The following MYO6 variants were observed in gnomAD, a reference collection of about 807,000 sequenced individuals.
The protein encoded by MYO6 is unconventional myosin-VI.
A neutral mutation model predicts 178.7 loss-of-function variants in MYO6; 74 were observed. The ratio of observed to expected loss-of-function variants is 0.41; its 90% CI spans 0.34 to 0.50. MYO6 has a LOEUF of 0.50. MYO6 is among the 20% of genes least tolerant of loss of function. MYO6 has a pLI of 0.09. For synonymous variants in MYO6, 477 were observed against 504.6 expected, an observed-to-expected ratio of 0.95 and a Z score of 0.73; for missense variants, 1,330 against 1,547.4, an observed-to-expected ratio of 0.86 and a Z score of 2.36.
chr6:75,862,517 T>C, intron 15 of MYO6, 79 bp from the exon 16 acceptor site: 1 of 1,284,378 alleles, frequency 7.8e-7, no homozygotes, highest in Admixed American at 1.9e-5. Flanking sequence ...CCTTGAAATC[T>C]GTGATTAGTG....
chr6:75,809,862 A>G (rs990619968), intron 1 of MYO6, among the ~76,000 whole-genome samples: 2 of 151,030 alleles, frequency 1.3e-5, no homozygotes, highest in Non-Finnish European at 3.0e-5. Context: ...CAGGAGTTCA[A>G]GACCAGTCTG....
intron 7 of MYO6, among the ~76,000 whole-genome samples, chr6:75,839,529 A>AAT (rs1774004285): frequency 6.6e-6 from 1 of 152,186 alleles, no homozygotes; most frequent in Non-Finnish European, 1.5e-5. Flanking sequence ...TCATAAAAAA[A>AAT]ATTTTAACAC....
At chr6:75,913,446 G>T (rs1780912671) in intron 33 of MYO6, among the ~76,000 whole-genome samples, 1 of 152,074 alleles carries the variant, frequency 6.6e-6, no homozygotes, top group African/African-American at 2.4e-5. Flanking sequence ...TTAAGGGAAA[G>T]TTTATGCTTA....
intron 10 of MYO6, among the ~76,000 whole-genome samples, chr6:75,847,506 C>G (rs898797033): frequency 6.7e-6 from 1 of 148,658 alleles, no homozygotes; most frequent in Non-Finnish European, 1.5e-5. Flanking sequence ...TTCTGCAGTC[C>G]TGACTTTCTT....
chr6:75,836,027 A>G, intron 7 of MYO6, 71 bp downstream of exon 7: 1 of 1,032,948 alleles, frequency 9.7e-7, no homozygotes, highest in South Asian at 1.3e-5. Flanking sequence ...GTGGTCTGGA[A>G]TGTTCTTCTC....
chr6:75,804,562 T>G (rs1040801424), intron 1 of MYO6, among the ~76,000 whole-genome samples: 11 of 151,172 alleles, frequency 7.3e-5, no homozygotes, highest in Non-Finnish European at 1.3e-4. Flanking sequence ...GCCAATTCTG[T>G]TTACTCTTCT....
At position 75,917,739 on chromosome 6, in the gene MYO6, T is replaced by C. The variant is rs946486631; in HGVS notation, c.*2727T>C. On this transcript the variant is annotated 3_prime_UTR_variant, in exon 35 of 35. Transcript: ENST00000369977. Reference sequence around the variant, plus strand: ...ATCTTAAGTGGAAAATCAGTGGTGGTTGTGAACACTTAGAGAATAGCAATC... The same window carrying C: ...ATCTTAAGTGGAAAATCAGTGGTGGCTGTGAACACTTAGAGAATAGCAATC... 1.3e-5 allele frequency: 2 copies of C among 152,652 alleles called. No homozygotes were observed. Among genetic ancestry groups the C allele is most frequent in the African/African-American group, 4.8e-5 (2 of 41,468 alleles). 9.5% of individuals were successfully genotyped at this position (152,652 alleles called of 1,614,324 possible).
At chr6:75,799,538 G>A (rs1769223318) in intron 1 of MYO6, among the ~76,000 whole-genome samples, 1 of 152,090 alleles carries the variant, frequency 6.6e-6, no homozygotes. Flanking sequence ...TATTTAAAAA[G>A]TATTAGCTCT....
chr6:75,821,335 A>G (rs982105689), intron 2 of MYO6, among the ~76,000 whole-genome samples: 3 of 152,188 alleles, frequency 2.0e-5, no homozygotes, highest in Admixed American at 1.3e-4. Flanking sequence ...GCACATACAT[A>G]TATGACATTA....
intron 1 of MYO6, among the ~76,000 whole-genome samples, chr6:75,780,668 G>A (rs374094668): frequency 3.4e-4 from 51 of 152,214 alleles, no homozygotes; most frequent in Middle Eastern, 3.4e-3. Flanking sequence ...TTGGGTTGAA[G>A]AGGGCATTTA....
intron 1 of MYO6, among the ~76,000 whole-genome samples, chr6:75,790,040 C>T (rs1214348432): frequency 6.6e-6 from 1 of 152,088 alleles, no homozygotes; most frequent in East Asian, 1.9e-4. Flanking sequence ...CTTCTAGGTC[C>T]ATCTGTGTTC....
At chr6:75,911,207 G>A (rs1338684583) in intron 32 of MYO6, among the ~76,000 whole-genome samples, 1 of 151,888 alleles carries the variant, frequency 6.6e-6, no homozygotes, top group Non-Finnish European at 1.5e-5. Flanking sequence ...AAAATGGCAT[G>A]AGTTTAAGAT....
intron 3 of MYO6, among the ~76,000 whole-genome samples, chr6:75,826,876 G>A (rs948601611): frequency 3.3e-5 from 5 of 151,976 alleles, no homozygotes; most frequent in African/African-American, 1.2e-4. Flanking sequence ...TCGTGCCACT[G>A]CACTCCAGCC....
intron 1 of MYO6, among the ~76,000 whole-genome samples, chr6:75,788,912 T>G (rs544815226): frequency 3.3e-5 from 5 of 152,208 alleles, no homozygotes; most frequent in African/African-American, 1.2e-4. Flanking sequence ...AGGAAAGAAA[T>G]AAGCGTTTGT....
At chr6:75,765,471 C>G (rs552635104) in intron 1 of MYO6, among the ~76,000 whole-genome samples, 2 of 152,194 alleles carry the variant, frequency 1.3e-5, no homozygotes, top group East Asian at 3.9e-4. Context: ...GCCACTGCAT[C>G]TGGCCAAAAA....
chr6:75,869,232 A>T (rs75579639), intron 18 of MYO6, among the ~76,000 whole-genome samples: 2,493 of 152,148 alleles, frequency 0.016, 72 homozygotes, highest in African/African-American at 0.057. Flanking sequence ...TCTGTCAGTG[A>T]GATAAGTGGG....
chr6:75,810,290 C>T (rs915253460), intron 1 of MYO6, among the ~76,000 whole-genome samples: 2 of 152,068 alleles, frequency 1.3e-5, no homozygotes, highest in African/African-American at 4.8e-5. Flanking sequence ...TGCAAATTTC[C>T]TCCACAAAAG....
intron 18 of MYO6, among the ~76,000 whole-genome samples, chr6:75,867,795 C>T (rs1776817827): frequency 6.6e-6 from 1 of 152,116 alleles, no homozygotes; most frequent in Admixed American, 6.5e-5. Context: ...GGAATTTATT[C>T]TTCAAGGTCT....
intron 5 of MYO6, among the ~76,000 whole-genome samples, chr6:75,831,769 A>G (rs1326795848): frequency 6.6e-6 from 1 of 151,880 alleles, no homozygotes; most frequent in African/African-American, 2.4e-5. Context: ...GCTTGCCTAT[A>G]GTCCCAGCTA....
Sources: allele counts gnomAD v4.1 joint callset (sites outside exome capture counted in the v4.1 genomes callset), GRCh38; gene constraint gnomAD v4.1.1; transcripts MANE v1.5; gene names NCBI Gene and HGNC (gene_info 2026-07-23, HGNC 2026-07-21).